Variants in SLIT1 observed in about 807,000 individuals in gnomAD.
The protein encoded by SLIT1 is slit guidance ligand 1.
Under a neutral mutation model 186.1 loss-of-function variants are expected in SLIT1, and 66 were observed. That is an observed-to-expected ratio of 0.35 (90% confidence interval 0.29 to 0.44). The LOEUF (loss-of-function observed/expected upper bound fraction) is 0.44, where lower values mean the gene tolerates loss of function less well. Among genes scored for constraint, SLIT1 ranks in the 20% least tolerant of loss-of-function variants. The pLI, the probability that SLIT1 is intolerant of heterozygous loss-of-function variation, is 1.00. For missense variants in SLIT1, 1,638 were observed against 2,037.4 expected, an observed-to-expected ratio of 0.80 and a Z score of 3.77; for synonymous variants, 761 against 833.8, an observed-to-expected ratio of 0.91 and a Z score of 1.50.
chr10:97,019,178 A>C (rs1564654808), intron 26 of SLIT1, 71 bp from the exon 27 acceptor site: 11 of 976,632 alleles, frequency 1.1e-5, no homozygotes, highest in Non-Finnish European at 1.6e-5. Flanking sequence ...GAGCACCTCA[A>C]CCCCGAGGAG....
At chr10:97,028,913 A>G (rs1848568309) in intron 25 of SLIT1, among the ~76,000 whole-genome samples, 1 of 152,136 alleles carries the variant, frequency 6.6e-6, no homozygotes, top group Non-Finnish European at 1.5e-5. Context: ...AAATCCTACC[A>G]CCTGAGGCAG....
intron 4 of SLIT1, among the ~76,000 whole-genome samples, chr10:97,099,194 G>A (rs765106291): frequency 2.6e-5 from 4 of 152,074 alleles, no homozygotes; most frequent in African/African-American, 7.2e-5. Flanking sequence ...CATTGGGAAC[G>A]TGAGACAGGA....
intron 3 of SLIT1, among the ~76,000 whole-genome samples, chr10:97,159,549 T>G (rs757297827): frequency 2.0e-5 from 3 of 152,196 alleles, no homozygotes; most frequent in Non-Finnish European, 2.9e-5. Flanking sequence ...CTTCTGCTTC[T>G]GAAAATTATT....
At chr10:97,044,064 CTT>C (rs1848714913) in intron 18 of SLIT1, among the ~76,000 whole-genome samples, 1 of 152,234 alleles carries the variant, frequency 6.6e-6, no homozygotes, top group Admixed American at 6.5e-5. Context: ...CTAGAATACT[CTT>C]TTGCCTCATC....
intron 22 of SLIT1, among the ~76,000 whole-genome samples, chr10:97,036,495 C>A (rs1848639501): frequency 1.3e-5 from 2 of 152,258 alleles, no homozygotes. Flanking sequence ...ATTTCACCAA[C>A]CCACAATAAG....
Position 97,057,193 on chromosome 10 carries a change from C to T in SLIT1, c.1157+17G>A. 6.2e-7 allele frequency: 1 copy of T among 1,610,588 alleles called. No homozygotes were observed. The highest frequency in any genetic ancestry group is 2.2e-5 in the East Asian group (1 of 44,862). On this transcript the variant is annotated intron_variant, in intron 12 of 36. Transcript: ENST00000266058. ...CTTCCCTGGGTCCCACCCAAGACAC[C>T]CAGGATTCGTTCTTACAGGAGCTGT...
At chr10:97,056,946 A>C (rs1380078632) in intron 12 of SLIT1, among the ~76,000 whole-genome samples, 1 of 152,114 alleles carries the variant, frequency 6.6e-6, no homozygotes, top group Non-Finnish European at 1.5e-5. Context: ...AGCCACACCA[A>C]GCTCCTCAGG....
chr10:97,061,054 G>C (rs1324955935), intron 8 of SLIT1, among the ~76,000 whole-genome samples: 2 of 152,168 alleles, frequency 1.3e-5, no homozygotes, highest in Non-Finnish European at 2.9e-5. Context: ...AAGAAATCCT[G>C]GCCTAGAATT....
chr10:97,087,339 T>G (rs1849173059), intron 4 of SLIT1, among the ~76,000 whole-genome samples: 1 of 152,092 alleles, frequency 6.6e-6, no homozygotes, highest in Non-Finnish European at 1.5e-5. Flanking sequence ...TGCAGCCCCC[T>G]CTCACCATCC....
intron 4 of SLIT1, among the ~76,000 whole-genome samples, chr10:97,089,176 C>A (rs1251993341): frequency 1.3e-5 from 2 of 152,102 alleles, no homozygotes; most frequent in Non-Finnish European, 2.9e-5. Context: ...CAGTCCAGAG[C>A]CAGGAGACCA....
chr10:97,072,388 TCC>T (rs1232634496), intron 4 of SLIT1, among the ~76,000 whole-genome samples: 1 of 152,308 alleles, frequency 6.6e-6, no homozygotes, highest in Middle Eastern at 3.4e-3. Flanking sequence ...GGTCTCAAAC[TCC>T]TGGGTTCAAG....
In SLIT1 at chr10:97,185,354, C is replaced by G. The variant is rs995181350; in HGVS notation, c.197+124G>C. On this transcript the variant is annotated intron_variant, in intron 1 of 36. Transcript: ENST00000266058. ...GGAAAGACCCCGGCAGGCACTGACC[C>G]GTCTGTGGGCTGCGGAGCCCGGACG... is the stretch of plus-strand genomic sequence containing the variant. 6.5e-6 allele frequency: 6 copies of G among 922,416 alleles called. No homozygotes were observed. The African/African-American group carries it at 6.8e-5, about 10-fold the overall frequency. 57.1% of individuals were successfully genotyped at this position (922,416 alleles called of 1,614,324 possible).
At chr10:97,179,823 G>A (rs1192256190) in intron 1 of SLIT1, among the ~76,000 whole-genome samples, 2 of 123,320 alleles carry the variant, frequency 1.6e-5, no homozygotes, top group East Asian at 6.1e-4. Context: ...GCACAGCCCA[G>A]CTCCCTGGCT....
intron 23 of SLIT1, among the ~76,000 whole-genome samples, chr10:97,033,545 CCCGTT>C (rs1307281150): frequency 6.6e-6 from 1 of 152,172 alleles, no homozygotes; most frequent in African/African-American, 2.4e-5. Context: ...GAAAGTGTGG[CCCGTT>C]CCTCCAAAGG....
intron 4 of SLIT1, among the ~76,000 whole-genome samples, chr10:97,127,019 G>A (rs1366194515): frequency 2.6e-5 from 4 of 152,148 alleles, no homozygotes; most frequent in African/African-American, 4.8e-5. Context: ...GGCTGGGCAC[G>A]GTGGCTCATG....
intron 4 of SLIT1, among the ~76,000 whole-genome samples, chr10:97,130,523 T>C (rs746354238): frequency 6.6e-6 from 1 of 152,248 alleles, no homozygotes; most frequent in Non-Finnish European, 1.5e-5. Context: ...AAATATTGTA[T>C]GATCTCACTT....
chr10:97,043,391 G>C lies in SLIT1; in HGVS notation c.1976C>G (p.Thr659Ser). The C allele has an allele frequency of 3.1e-6, 5 of 1,613,758 alleles. No individual in the cohort carries two copies. Among genetic ancestry groups the C allele is most frequent in the Non-Finnish European group, 4.2e-6 (5 of 1,180,016 alleles). Residue 659 changes from threonine (T) to serine (S), a missense_variant, in exon 19 of 37, where the codon ACC becomes AGC. By Grantham distance (58) the Thr-to-Ser change is moderately conservative (BLOSUM62 1). Coordinates refer to ENST00000266058, the MANE Select transcript of SLIT1 (RefSeq NM_003061.3). This position sits in a 1 kb window ranked among gnomAD's most constrained non-coding sequence, Gnocchi z 7.0. ...ITTVSPGAFD[T>S]LQSLSTLNLL... is the part of the protein sequence containing the mutation. ...TCACAGTGTGGAGAGGGACTGGAGG[G>C]TGTCGAAGGCTCCTGGGGATACGGT...
At chr10:97,121,492 C>T in intron 4 of SLIT1, among the ~76,000 whole-genome samples, 1 of 152,214 alleles carries the variant, frequency 6.6e-6, no homozygotes, top group East Asian at 1.9e-4. Context: ...TTTAAGCCTT[C>T]AGTAATTCTG....
Position 97,098,252 on chromosome 10 carries a change from C to T in SLIT1, c.414-32166G>A, listed in dbSNP as rs114626794. On this transcript the variant is annotated intron_variant, in intron 4 of 36. Transcript: ENST00000266058. Reference sequence around the variant, plus strand: ...GGGGGGCTAAGAGTTCTGGGGCTCTCGCTATGGGCCGGACATGTGCTGAGT... The same window carrying T: ...GGGGGGCTAAGAGTTCTGGGGCTCTTGCTATGGGCCGGACATGTGCTGAGT... Among the ~76,000 whole-genome samples the T allele has an allele frequency of 4.9e-3, 746 of 152,310 alleles. 7 individuals are homozygous for T. Among genetic ancestry groups the T allele is most frequent in the African/African-American group, 0.017 (704 of 41,570 alleles).
Sources: gnomAD v4.1 joint callset for allele counts (sites outside exome capture counted in the v4.1 genomes callset) on GRCh38, gnomAD v4.1.1 for gene constraint, Gnocchi (gnomAD v3.1) non-coding constraint, MANE v1.5 for transcripts, NCBI Gene and HGNC (gene_info 2026-07-23, HGNC 2026-07-21) for gene names.